SH2D1A: variants seen among roughly 807,000 people sequenced by gnomAD.
SH2D1A encodes SH2 domain-containing protein 1A.
SH2D1A carries 6 observed loss-of-function variants against 10.1 expected under a neutral mutation model. The ratio of observed to expected loss-of-function variants is 0.60; its 90% confidence interval spans 0.33 to 1.18. The LOEUF (loss-of-function observed/expected upper bound fraction) is 1.18. SH2D1A is among the 50% of genes most tolerant of loss of function. The pLI, the probability that SH2D1A is intolerant of heterozygous loss-of-function variation, is 0.04. For missense variants in SH2D1A, 51 were observed against 97.6 expected (o/e 0.52, Z 2.01); for synonymous variants, 42 against 36.9 (o/e 1.14, Z -0.51).
chrX:124,353,696 A>G lies in SH2D1A; in HGVS notation c.137+6917A>G, dbSNP rs778481776. Among the ~76,000 whole-genome samples the G allele has an allele frequency of 3.6e-5, 4 of 112,116 alleles. No individual in the cohort carries two copies. The South Asian group carries it at 1.5e-3, about 41-fold the overall frequency. ...TTAGCTCAAAAAATAGTTTATTTCC[A>G]TAGTTGGCATCCTTCTGGACATATC... On this transcript the variant is annotated intron_variant, in intron 1 of 3. Coordinates refer to ENST00000371139, the MANE Select transcript of SH2D1A (RefSeq NM_002351.5).
intron 2 of SH2D1A, among the ~76,000 whole-genome samples, chrX:124,367,132 T>C (rs1403328607): frequency 8.9e-6 from 1 of 112,079 alleles, no homozygotes; most frequent in East Asian, 2.8e-4. Context: ...TGAACACAAA[T>C]GCCCCCTCAT....
intron 3 of SH2D1A, 23 bp downstream of exon 3, chrX:124,370,343 G>C (rs780304626): frequency 8.6e-7 from 1 of 1,168,884 alleles, no homozygotes. Context: ...CTTAATTTTT[G>C]ACAGGGTTTG....
At position 124,370,684 on chromosome X, in the gene SH2D1A, G is replaced by A. The variant is rs569650605; in HGVS notation, c.346+364G>A. Among the ~76,000 whole-genome samples the A allele has an allele frequency of 3.6e-5, 4 of 112,017 alleles. No individual in the cohort carries two copies. The South Asian group carries it at 1.5e-3, about 42-fold the overall frequency. On this transcript the variant is annotated intron_variant, in intron 3 of 3. Transcript: ENST00000371139. The stretch of plus-strand genomic sequence containing the variant: ...GTATAATTCAGAGAACACCTGGGCT[G>A]TCCTTTATCTTTGCTTAGTAAACTG...
intron 1 of SH2D1A, among the ~76,000 whole-genome samples, chrX:124,353,708 C>T (rs767916649): frequency 1.8e-5 from 2 of 111,915 alleles, no homozygotes; most frequent in Non-Finnish European, 3.8e-5. Context: ...AGTTGGCATC[C>T]TTCTGGACAT....
intron 2 of SH2D1A, among the ~76,000 whole-genome samples, chrX:124,366,717 C>A (rs1002408439): frequency 1.1e-4 from 12 of 110,804 alleles, no homozygotes; most frequent in Non-Finnish European, 3.8e-5. Context: ...ATGTAAGGAT[C>A]ATTAAAACTA....
chrX:124,352,353 T>C (rs1327932086), intron 1 of SH2D1A, among the ~76,000 whole-genome samples: 1 of 111,720 alleles, frequency 9.0e-6, no homozygotes, highest in African/African-American at 3.2e-5. Context: ...ATTGATCCAT[T>C]TATTCTTGCA....
At chrX:124,352,472 A>ATTTTTTTT (rs1467075710) in intron 1 of SH2D1A, among the ~76,000 whole-genome samples, 13 of 111,816 alleles carry the variant, frequency 1.2e-4, no homozygotes, top group Admixed American at 2.9e-4. Flanking sequence ...TTAAGTTAAA[A>ATTTTTTTT]AAAATTCATT....
At chrX:124,358,980 C>T (rs1475710314) in intron 1 of SH2D1A, among the ~76,000 whole-genome samples, 5 of 111,494 alleles carry the variant, frequency 4.5e-5, no homozygotes, top group Non-Finnish European at 9.4e-5. Context: ...GAGTTGACTA[C>T]AGGGGATCCT....
intron 3 of SH2D1A, 67 bp downstream of exon 3, chrX:124,370,387 C>A: frequency 1.1e-6 from 1 of 904,642 alleles, no homozygotes; most frequent in Non-Finnish European, 1.6e-6. Flanking sequence ...CTGTTCATAA[C>A]CATATAATCA....
chrX:124,362,379 G>A (rs148923326), intron 1 of SH2D1A, among the ~76,000 whole-genome samples: 7,509 of 112,105 alleles, frequency 0.067, 273 homozygotes, highest in Non-Finnish European at 0.1. Context: ...GAATCGAAGA[G>A]GATTATTCTT....
intron 1 of SH2D1A, among the ~76,000 whole-genome samples, chrX:124,359,336 C>T (rs1157832632): frequency 3.6e-5 from 4 of 111,679 alleles, no homozygotes; most frequent in Admixed American, 1.9e-4. Flanking sequence ...TTTTAGAGAC[C>T]CACTGTTTTA....
chrX:124,358,056 C>A (rs1383185497), intron 1 of SH2D1A, among the ~76,000 whole-genome samples: 1 of 110,971 alleles, frequency 9.0e-6, no homozygotes, highest in Non-Finnish European at 1.9e-5. Context: ...GTATGGTTTG[C>A]AAATATATTC....
rs1467523678 is a variant in SH2D1A, at chrX:124,350,319, A to T, written c.137+3540A>T. On this transcript the variant is annotated intron_variant, in intron 1 of 3. Coordinates refer to ENST00000371139, the MANE Select transcript of SH2D1A (RefSeq NM_002351.5). ...TAATATATAAATATATATTATATAT[A>T]ATATTATATAATATATAATATATAA... is the stretch of plus-strand genomic sequence containing the variant. Among the ~76,000 whole-genome samples, 94 of 23,107 alleles carry T rather than the reference A, an allele frequency of 4.1e-3. 1 individual carries two copies. Among genetic ancestry groups the T allele is most frequent in the African/African-American group, 9.8e-3 (43 of 4,403 alleles). 20.1% of individuals were successfully genotyped at this position (23,107 alleles called of 115,157 possible).
chrX:124,364,936 T>G (rs2060050333), intron 1 of SH2D1A, among the ~76,000 whole-genome samples: 1 of 110,776 alleles, frequency 9.0e-6, no homozygotes, highest in African/African-American at 3.3e-5. Flanking sequence ...GGTATAGCAT[T>G]CTTTATCTTT....
chrX:124,356,145 C>T (rs935624213), intron 1 of SH2D1A, among the ~76,000 whole-genome samples: 2 of 105,511 alleles, frequency 1.9e-5, no homozygotes, highest in Non-Finnish European at 3.9e-5. Context: ...TGAGTGAGAA[C>T]ATGCAGTGTT....
intron 1 of SH2D1A, among the ~76,000 whole-genome samples, chrX:124,363,618 G>A (rs2060045470): frequency 1.8e-5 from 2 of 111,090 alleles, no homozygotes; most frequent in African/African-American, 6.5e-5. Flanking sequence ...CACAGGCCAG[G>A]TGTGATGGCT....
chrX:124,349,835 A>G (rs1385102661), intron 1 of SH2D1A, among the ~76,000 whole-genome samples: 4 of 109,401 alleles, frequency 3.7e-5, no homozygotes, highest in Non-Finnish European at 7.6e-5. Flanking sequence ...AGTAATAAGT[A>G]TTTCTTTCAA....
Position 124,371,450 on chromosome X carries a change from T to C in SH2D1A, c.*59T>C, listed in dbSNP as rs948143513. Reference sequence around the variant, plus strand: ...TAATTTAAATATATGCTAAGTCTTATATATTGTAGATAATACAGTTCGGTG... The same window carrying C: ...TAATTTAAATATATGCTAAGTCTTACATATTGTAGATAATACAGTTCGGTG... On this transcript the variant is annotated 3_prime_UTR_variant, in exon 4 of 4. Transcript: ENST00000371139. 1 of 785,011 alleles carries C rather than the reference T, an allele frequency of 1.3e-6. No individual in the cohort carries two copies. The highest frequency in any genetic ancestry group is 2.5e-5 in the Admixed American group (1 of 40,731). 64.7% of individuals were successfully genotyped at this position (785,011 alleles called of 1,213,427 possible).
intron 2 of SH2D1A, chrX:124,367,482 T>C (rs1012571274): frequency 2.0e-4 from 22 of 111,851 alleles, no homozygotes; most frequent in African/African-American, 6.2e-4. Context: ...AATAGCTGAG[T>C]TCAGTGACAG....
Sources: gnomAD v4.1 joint callset for allele counts (sites outside exome capture counted in the v4.1 genomes callset) on GRCh38, gnomAD v4.1.1 for gene constraint, MANE v1.5 for transcripts, NCBI Gene and HGNC (gene_info 2026-07-23, HGNC 2026-07-21) for gene names.